The following MTUS2 variants were observed in gnomAD, a reference collection of about 807,000 sequenced individuals.
MTUS2 encodes the protein microtubule-associated tumor suppressor candidate 2.
MTUS2 carries 40 observed loss-of-function variants against 114.1 expected under a neutral mutation model. That is an observed-to-expected ratio of 0.35 (90% CI 0.27 to 0.46). The LOEUF is 0.46. Ranked by LOEUF, MTUS2 falls within the 20% of genes least tolerant of loss-of-function variation. The pLI, the probability that MTUS2 is intolerant of heterozygous loss-of-function variation, is 1.00. For missense variants in MTUS2, 1,679 were observed against 1,705.4 expected, an observed-to-expected ratio of 0.98 and a Z score of 0.27; for synonymous variants, 688 against 672.0, an observed-to-expected ratio of 1.02 and a Z score of -0.37.
At chr13:29,319,920 C>A (rs56795590) in intron 6 of MTUS2, among the ~76,000 whole-genome samples, 3,935 of 152,188 alleles carry the variant, frequency 0.026, 153 homozygotes, top group African/African-American at 0.089. Flanking sequence ...AGAGACCAAG[C>A]AGTTAGTGAG....
At chr13:29,364,420 G>C (rs747001679) in intron 8 of MTUS2, among the ~76,000 whole-genome samples, 2 of 152,132 alleles carry the variant, frequency 1.3e-5, no homozygotes, top group Non-Finnish European at 2.9e-5. Context: ...TCTGAATAGA[G>C]ATTTAGGCCC....
chr13:29,003,101 C>T (rs1469994841), intron 2 of MTUS2, among the ~76,000 whole-genome samples: 2 of 152,136 alleles, frequency 1.3e-5, no homozygotes, highest in East Asian at 3.8e-4. Flanking sequence ...AAGTTAGACC[C>T]GAAGCAACAG....
chr13:29,014,018 T>C (rs1046248348), intron 2 of MTUS2, among the ~76,000 whole-genome samples: 1 of 152,244 alleles, frequency 6.6e-6, no homozygotes, highest in African/African-American at 2.4e-5. Flanking sequence ...GACCCTTCTC[T>C]TTGTCTTTCA....
chr13:28,958,228 C>T (rs1159984301), intron 2 of MTUS2, among the ~76,000 whole-genome samples: 6 of 152,222 alleles, frequency 3.9e-5, no homozygotes, highest in Admixed American at 6.5e-5. Context: ...CCGGCTGCCC[C>T]GGATAGTGGG....
intron 2 of MTUS2, among the ~76,000 whole-genome samples, chr13:29,015,700 A>T (rs763216578): frequency 2.0e-5 from 3 of 152,204 alleles, no homozygotes; most frequent in Non-Finnish European, 4.4e-5. Context: ...TCTAACAATA[A>T]GGGGAACTGG....
chr13:29,470,071 T>C (rs908112351), intron 9 of MTUS2, among the ~76,000 whole-genome samples: 1 of 152,120 alleles, frequency 6.6e-6, no homozygotes, highest in Admixed American at 6.5e-5. Context: ...CCCTTCACCT[T>C]AGTACAGCCA....
chr13:29,029,735 G>A (rs1217587215), intron 3 of MTUS2, among the ~76,000 whole-genome samples: 2 of 152,332 alleles, frequency 1.3e-5, no homozygotes, highest in Non-Finnish European at 2.9e-5. Context: ...GGGGAACCAC[G>A]TGTGCATTGA....
chr13:29,492,000 T>G, intron 11 of MTUS2, among the ~76,000 whole-genome samples: 1 of 121,712 alleles, frequency 8.2e-6, no homozygotes, highest in Non-Finnish European at 1.7e-5. Flanking sequence ...GTGTATGGTG[T>G]GTATGTGAAT....
intron 2 of MTUS2, among the ~76,000 whole-genome samples, chr13:28,886,640 T>C (rs1878608128): frequency 6.6e-6 from 1 of 152,164 alleles, no homozygotes; most frequent in African/African-American, 2.4e-5. Flanking sequence ...GGGAAATGTG[T>C]GTTGCCTATG....
At chr13:29,381,471 T>C (rs1166390438) in intron 8 of MTUS2, among the ~76,000 whole-genome samples, 2 of 152,226 alleles carry the variant, frequency 1.3e-5, no homozygotes, top group Non-Finnish European at 2.9e-5. Flanking sequence ...ATTATTTTTA[T>C]TTGCTAACAT....
intron 6 of MTUS2, among the ~76,000 whole-genome samples, chr13:29,291,640 C>T (rs959733466): frequency 6.6e-6 from 1 of 152,186 alleles, no homozygotes; most frequent in African/African-American, 2.4e-5. Context: ...CTGCTGACCT[C>T]ATGAGATGGT....
At chr13:29,464,340 C>G (rs577294221) in intron 9 of MTUS2, among the ~76,000 whole-genome samples, 1 of 152,350 alleles carries the variant, frequency 6.6e-6, no homozygotes, top group African/African-American at 2.4e-5. Flanking sequence ...CAAGTGTGAA[C>G]AAACAGTTCT....
chr13:29,046,582 T>C (rs1163817966), intron 4 of MTUS2, among the ~76,000 whole-genome samples: 13 of 152,256 alleles, frequency 8.5e-5, no homozygotes, highest in Admixed American at 8.5e-4. Context: ...TGATTCTTAG[T>C]TGCCTTCACT....
chr13:29,299,086 A>T (rs1461016740), intron 6 of MTUS2, among the ~76,000 whole-genome samples: 1 of 152,240 alleles, frequency 6.6e-6, no homozygotes, highest in Non-Finnish European at 1.5e-5. Context: ...GTGGGAGAAT[A>T]ATAAAGATAA....
At chr13:29,400,246 A>G (rs895675254) in intron 8 of MTUS2, among the ~76,000 whole-genome samples, 7 of 152,188 alleles carry the variant, frequency 4.6e-5, no homozygotes, top group Non-Finnish European at 1.5e-5. Flanking sequence ...GATAGAAGGA[A>G]TGTTGCATCT....
intron 2 of MTUS2, among the ~76,000 whole-genome samples, chr13:28,965,410 G>A (rs1216099226): frequency 3.3e-5 from 5 of 152,174 alleles, no homozygotes; most frequent in African/African-American, 7.2e-5. Flanking sequence ...GGTTTTAGGT[G>A]TGCAGTGATT....
chr13:28,906,572 G>A lies in MTUS2; in HGVS notation c.-243+66722G>A, dbSNP rs535951318. On this transcript the variant is annotated intron_variant, in intron 2 of 15. Transcript: ENST00000612955. ...CCATATAGTTGAGCAGTTTTGAGTGGGTTTCTTAATCCTGAGTTCTAGTTT... is the reference window on the plus strand; with the variant it reads ...CCATATAGTTGAGCAGTTTTGAGTGAGTTTCTTAATCCTGAGTTCTAGTTT... Among the ~76,000 whole-genome samples the A allele has an allele frequency of 9.2e-4, 140 of 151,558 alleles. 4 individuals carry two copies. Among genetic ancestry groups the A allele is most frequent in the Admixed American group, 1.4e-3 (21 of 15,230 alleles).
chr13:28,927,257 A>C (rs563374610), intron 2 of MTUS2, among the ~76,000 whole-genome samples: 16 of 152,354 alleles, frequency 1.1e-4, no homozygotes, highest in Non-Finnish European at 2.4e-4. Context: ...TGCTGTGTTC[A>C]GCACAAGAAA....
At chr13:29,391,601 C>G (rs1873471640) in intron 8 of MTUS2, among the ~76,000 whole-genome samples, 1 of 151,576 alleles carries the variant, frequency 6.6e-6, no homozygotes, top group African/African-American at 2.4e-5. Context: ...TCCTTTCTCA[C>G]ACTCTTGATC....
Sources: allele counts gnomAD v4.1 joint callset (sites outside exome capture counted in the v4.1 genomes callset), GRCh38; gene constraint gnomAD v4.1.1; transcripts MANE v1.5; gene names NCBI Gene and HGNC (gene_info 2026-07-23, HGNC 2026-07-21).